Variants in CDH12 observed in about 807,000 individuals in gnomAD.
CDH12 encodes the protein cadherin 12, also known as cadherin-12.
A neutral mutation model predicts 74.1 loss-of-function variants in CDH12; 41 were observed. The observed-to-expected ratio is 0.55, with a 90% CI of 0.43 to 0.72. CDH12 has a LOEUF of 0.72. CDH12 is among the 30% of genes least tolerant of loss of function. The probability of loss-of-function intolerance (pLI) is 0.00; values close to 1 mark genes in which losing one functional copy is unlikely to be tolerated. For missense variants in CDH12, 945 were observed against 977.2 expected (o/e 0.97, Z 0.44); for synonymous variants, 399 against 355.0 (o/e 1.12, Z -1.39).
At chr5:21,787,896 AT>A (rs1285876504) in intron 10 of CDH12, among the ~76,000 whole-genome samples, 1 of 152,194 alleles carries the variant, frequency 6.6e-6, no homozygotes, top group Non-Finnish European at 1.5e-5. Flanking sequence ...ATTTCTCAAA[AT>A]ACTTCTTTAT....
intron 5 of CDH12, among the ~76,000 whole-genome samples, chr5:22,054,916 G>A (rs554651534): frequency 6.3e-4 from 96 of 152,300 alleles, no homozygotes; most frequent in African/African-American, 2.2e-3. Context: ...GCATGCAGGT[G>A]TGTGATTTAA....
chr5:22,686,428 G>A (rs10038915), intron 1 of CDH12, among the ~76,000 whole-genome samples: 79,741 of 152,048 alleles, frequency 0.52, 21,263 homozygotes, highest in Non-Finnish European at 0.57. Context: ...TTCATTTGGT[G>A]TCATGTTCAA....
At chr5:22,109,775 T>C (rs186950207) in intron 4 of CDH12, among the ~76,000 whole-genome samples, 1 of 152,302 alleles carries the variant, frequency 6.6e-6, no homozygotes, top group Admixed American at 6.5e-5. Context: ...GAGGCAAAAC[T>C]CAAGTTCTGT....
At chr5:21,957,003 C>T (rs1483573197) in intron 6 of CDH12, among the ~76,000 whole-genome samples, 2 of 151,914 alleles carry the variant, frequency 1.3e-5, no homozygotes, top group East Asian at 1.9e-4. Flanking sequence ...TTGTACAGAT[C>T]ATTTTGTCAC....
At chr5:22,313,728 T>C (rs1319736473) in intron 3 of CDH12, among the ~76,000 whole-genome samples, 1 of 152,016 alleles carries the variant, frequency 6.6e-6, no homozygotes, top group Non-Finnish European at 1.5e-5. Context: ...AACACAGAAG[T>C]GGAAAACCAA....
intron 3 of CDH12, among the ~76,000 whole-genome samples, chr5:22,329,376 C>A (rs181877393): frequency 6.6e-6 from 1 of 152,122 alleles, no homozygotes; most frequent in Non-Finnish European, 1.5e-5. Context: ...TTGAGTCACA[C>A]AATTATTCAA....
intron 9 of CDH12, among the ~76,000 whole-genome samples, chr5:21,812,336 A>G (rs1479951555): frequency 6.6e-6 from 1 of 152,070 alleles, no homozygotes; most frequent in Non-Finnish European, 1.5e-5. Context: ...TATGAATCTG[A>G]TTTTATATCA....
At position 22,417,958 on chromosome 5, in the gene CDH12, T is replaced by C. The variant is rs189315514; in HGVS notation, c.-427-12607A>G. On this transcript the variant is annotated intron_variant, in intron 2 of 14. Transcript: ENST00000382254. ...TTACCTGGAAATGCGGGTAATTTATTTGTGTACCCTTTTTAAAAACTTTAT... is the reference window on the plus strand; with the variant it reads ...TTACCTGGAAATGCGGGTAATTTATCTGTGTACCCTTTTTAAAAACTTTAT... Among the ~76,000 whole-genome samples, 1,143 of 152,296 alleles carry C rather than the reference T, an allele frequency of 7.5e-3. 12 individuals carry two copies. The highest frequency in any genetic ancestry group is 0.01 in the Non-Finnish European group (710 of 68,012).
intron 1 of CDH12, among the ~76,000 whole-genome samples, chr5:22,704,962 C>T (rs574675107): frequency 3.3e-5 from 5 of 151,850 alleles, no homozygotes; most frequent in South Asian, 2.1e-4. Context: ...TTAGCTCATA[C>T]AAAAAATTCT....
At chr5:22,001,825 G>A (rs1041646177) in intron 5 of CDH12, among the ~76,000 whole-genome samples, 9 of 151,694 alleles carry the variant, frequency 5.9e-5, no homozygotes, top group Non-Finnish European at 1.2e-4. Flanking sequence ...AAAAAAGAAA[G>A]CCACATGTTT....
At chr5:22,220,065 G>C (rs751454936) in intron 3 of CDH12, among the ~76,000 whole-genome samples, 4 of 151,702 alleles carry the variant, frequency 2.6e-5, no homozygotes, top group Non-Finnish European at 5.9e-5. Flanking sequence ...AATCCGTAAG[G>C]ATGTTTCTAC....
At chr5:22,813,914 C>G (rs1749267082) in intron 1 of CDH12, among the ~76,000 whole-genome samples, 1 of 152,166 alleles carries the variant, frequency 6.6e-6, no homozygotes, top group African/African-American at 2.4e-5. Flanking sequence ...CATGCCCTGA[C>G]TCCTGACCCA....
At chr5:22,638,428 G>A (rs555430040) in intron 1 of CDH12, among the ~76,000 whole-genome samples, 9 of 152,206 alleles carry the variant, frequency 5.9e-5, no homozygotes, top group Admixed American at 2.6e-4. Context: ...CATCCAGCAC[G>A]GGAGAAAGAT....
intron 3 of CDH12, among the ~76,000 whole-genome samples, chr5:22,376,770 A>ACCTCAGC (rs1741545213): frequency 6.9e-6 from 1 of 144,654 alleles, no homozygotes; most frequent in Non-Finnish European, 1.5e-5. Context: ...TGATCCTGCC[A>ACCTCAGC]CCTCAGCCTC....
chr5:22,562,919 T>C (rs988285468), intron 1 of CDH12, among the ~76,000 whole-genome samples: 10 of 148,118 alleles, frequency 6.8e-5, no homozygotes, highest in Admixed American at 2.0e-4. Flanking sequence ...TGCACATATA[T>C]CAACATCTAA....
intron 1 of CDH12, among the ~76,000 whole-genome samples, chr5:22,833,615 A>T (rs1736708543): frequency 6.6e-6 from 1 of 152,178 alleles, no homozygotes; most frequent in Non-Finnish European, 1.5e-5. Context: ...ACACAGGAAA[A>T]CTAGGTCATG....
chr5:21,922,919 A>T (rs1041325855), intron 6 of CDH12, among the ~76,000 whole-genome samples: 2 of 140,998 alleles, frequency 1.4e-5, no homozygotes, highest in Non-Finnish European at 3.2e-5. Flanking sequence ...CAAGAATAAA[A>T]AGAAAGATGT....
At chr5:22,742,212 AAGAG>A (rs144337673) in intron 1 of CDH12, among the ~76,000 whole-genome samples, 19 of 151,818 alleles carry the variant, frequency 1.3e-4, no homozygotes, top group Non-Finnish European at 2.4e-4. Context: ...GAAAGAAAGG[AAGAG>A]AGAGAGAAAG....
chr5:22,686,466 A>C (rs1191691505), intron 1 of CDH12, among the ~76,000 whole-genome samples: 1 of 152,192 alleles, frequency 6.6e-6, no homozygotes, highest in Non-Finnish European at 1.5e-5. Flanking sequence ...AAAGGTCATG[A>C]AGATTTACTG....
Sources: gnomAD v4.1 joint callset for allele counts (sites outside exome capture counted in the v4.1 genomes callset) on GRCh38, gnomAD v4.1.1 for gene constraint, MANE v1.5 for transcripts, NCBI Gene and HGNC (gene_info 2026-07-23, HGNC 2026-07-21) for gene names.